The following TNFSF4 variants were observed in gnomAD, a reference collection of about 807,000 sequenced individuals.
TNFSF4 encodes the protein tumor necrosis factor ligand superfamily member 4.
Under a neutral mutation model 7.3 loss-of-function variants are expected in TNFSF4, and 4 were observed. That is an observed-to-expected ratio of 0.55 (90% CI 0.27 to 1.25). The LOEUF is 1.25. Among genes scored for constraint, TNFSF4 ranks in the 50% most tolerant of loss-of-function variants. TNFSF4 has a pLI of 0.12. For missense variants in TNFSF4, 181 were observed against 208.8 expected (o/e 0.87, Z 0.82); for synonymous variants, 76 against 83.7 (o/e 0.91, Z 0.50).
At chr1:173,307,502 T>C in the TNFSF4 span, among the ~76,000 whole-genome samples, 1 of 151,918 alleles carries the variant, frequency 6.6e-6, no homozygotes, top group African/African-American at 2.4e-5. Flanking sequence ...GAATGGATTC[T>C]GGCTTTGGAA....
the TNFSF4 span, among the ~76,000 whole-genome samples, chr1:173,390,546 CA>C: frequency 6.6e-6 from 1 of 152,152 alleles, no homozygotes. Context: ...CACCATACTG[CA>C]TGAAATGGAA....
At chr1:173,323,490 G>C in the TNFSF4 span, among the ~76,000 whole-genome samples, 1 of 152,228 alleles carries the variant, frequency 6.6e-6, no homozygotes, top group Non-Finnish European at 1.5e-5. Flanking sequence ...CTCCTCACCA[G>C]CAGTGGAATA....
At chr1:173,251,067 A>ACT in the TNFSF4 span, among the ~76,000 whole-genome samples, 30 of 152,188 alleles carry the variant, frequency 2.0e-4, no homozygotes, top group Admixed American at 5.2e-4. Context: ...GGGGCTAAGC[A>ACT]GTCTGTCTTA....
At chr1:173,304,290 C>A in the TNFSF4 span, among the ~76,000 whole-genome samples, 2 of 151,894 alleles carry the variant, frequency 1.3e-5, no homozygotes, top group Non-Finnish European at 2.9e-5. Context: ...ACCACAATCT[C>A]ATATCATGGC....
the TNFSF4 span, among the ~76,000 whole-genome samples, chr1:173,446,917 T>C: frequency 6.6e-6 from 1 of 152,186 alleles, no homozygotes; most frequent in Non-Finnish European, 1.5e-5. Flanking sequence ...TTGAGTGACT[T>C]TGCCTTGTGA....
the TNFSF4 span, among the ~76,000 whole-genome samples, chr1:173,312,680 C>G: frequency 6.6e-6 from 1 of 152,060 alleles, no homozygotes; most frequent in Admixed American, 6.6e-5. Context: ...AAACTGTGGG[C>G]CTCTTAATTC....
downstream of TNFSF4, among the ~76,000 whole-genome samples, chr1:173,181,773 G>C (rs1049191673): frequency 6.6e-6 from 1 of 152,178 alleles, no homozygotes; most frequent in Non-Finnish European, 1.5e-5. Flanking sequence ...AAGTGTTCAT[G>C]TGCCAATTCT....
the TNFSF4 span, among the ~76,000 whole-genome samples, chr1:173,407,138 G>A: frequency 2.0e-5 from 3 of 151,444 alleles, no homozygotes; most frequent in East Asian, 2.0e-4. Flanking sequence ...CAGGTGGTGC[G>A]GGAGGGGAGA....
the TNFSF4 span, among the ~76,000 whole-genome samples, chr1:173,262,282 C>G: frequency 3.9e-5 from 6 of 152,114 alleles, no homozygotes; most frequent in African/African-American, 1.4e-4. Context: ...ATTCAACATC[C>G]CTTCATGTTA....
intron 2 of TNFSF4, among the ~76,000 whole-genome samples, chr1:173,187,689 G>T (rs943053240): frequency 2.0e-5 from 3 of 152,186 alleles, no homozygotes; most frequent in African/African-American, 7.2e-5. Context: ...AGAAAGAAAA[G>T]GAGGAAGTGG....
chr1:173,266,997 T>G, the TNFSF4 span, among the ~76,000 whole-genome samples: 1 of 152,178 alleles, frequency 6.6e-6, no homozygotes, highest in Admixed American at 6.6e-5. Context: ...GTGTTCTCAA[T>G]GTGGAAAAGA....
chr1:173,247,492 T>C, the TNFSF4 span, among the ~76,000 whole-genome samples: 1 of 152,306 alleles, frequency 6.6e-6, no homozygotes, highest in Admixed American at 6.5e-5. Context: ...ACTGAGGGCA[T>C]TGAGCAGAAA....
the TNFSF4 span, among the ~76,000 whole-genome samples, chr1:173,395,029 TAGATAGATGATAGATAGATA>T: frequency 7.6e-4 from 80 of 104,666 alleles, 1 homozygote; most frequent in Admixed American, 4.8e-3. Context: ...GATAGATAGA[TAGATAGATGATAGATAGATA>T]GATAGATAGA....
intron 2 of TNFSF4, among the ~76,000 whole-genome samples, chr1:173,187,939 T>C (rs1220594259): frequency 6.6e-6 from 1 of 152,216 alleles, no homozygotes; most frequent in Non-Finnish European, 1.5e-5. Flanking sequence ...GACATACTTT[T>C]GAACTGAAAA....
the TNFSF4 span, among the ~76,000 whole-genome samples, chr1:173,381,785 C>A: frequency 2.0e-5 from 3 of 152,082 alleles, no homozygotes; most frequent in Admixed American, 6.5e-5. Context: ...GCTTCTGGGT[C>A]GGGTGGGGAC....
chr1:173,348,291 A>G, the TNFSF4 span, among the ~76,000 whole-genome samples: 1 of 152,144 alleles, frequency 6.6e-6, no homozygotes, highest in Non-Finnish European at 1.5e-5. Context: ...TGATCGTTTT[A>G]TAAGGGAAAC....
the TNFSF4 span, among the ~76,000 whole-genome samples, chr1:173,260,317 G>A: frequency 6.6e-6 from 1 of 152,182 alleles, no homozygotes; most frequent in East Asian, 1.9e-4. Context: ...CACAAGGCCT[G>A]CCTTGCAAGA....
chr1:173,253,798 T>C, the TNFSF4 span, among the ~76,000 whole-genome samples: 1 of 152,194 alleles, frequency 6.6e-6, no homozygotes, highest in Non-Finnish European at 1.5e-5. Context: ...AGATGAGTTT[T>C]TTTCTATTAG....
chr1:173,203,834 C>T (rs1650054351), intron 1 of TNFSF4, among the ~76,000 whole-genome samples: 1 of 152,216 alleles, frequency 6.6e-6, no homozygotes, highest in African/African-American at 2.4e-5. Flanking sequence ...AGGTTTCTCA[C>T]ACCTTATAGG....
Sources: allele counts gnomAD v4.1 joint callset (sites outside exome capture counted in the v4.1 genomes callset), GRCh38; gene constraint gnomAD v4.1.1; transcripts MANE v1.5; gene names NCBI Gene and HGNC (gene_info 2026-07-23, HGNC 2026-07-21).